The following PLEKHG4B variants were observed in gnomAD, a reference collection of about 807,000 sequenced individuals.
PLEKHG4B encodes pleckstrin homology and RhoGEF domain containing G4B.
A neutral mutation model predicts 121.3 loss-of-function variants in PLEKHG4B; 111 were observed. That is an observed-to-expected ratio of 0.92 (90% CI 0.78 to 1.07). PLEKHG4B has a LOEUF of 1.07. Among genes scored for constraint, PLEKHG4B ranks in the 50% least tolerant of loss-of-function variants. The pLI, the probability that PLEKHG4B is intolerant of heterozygous loss-of-function variation, is 0.00. For missense variants in PLEKHG4B, 1,831 were observed against 1,757.8 expected (o/e 1.04, Z -0.74); for synonymous variants, 738 against 725.0 (o/e 1.02, Z -0.29).
chr5:174,862 G>A (rs929622284), intron 18 of PLEKHG4B, among the ~76,000 whole-genome samples: 1 of 152,076 alleles, frequency 6.6e-6, no homozygotes, highest in African/African-American at 2.4e-5. Context: ...GAAATGAAGG[G>A]GCTGAGCTCC....
intron 16 of PLEKHG4B, among the ~76,000 whole-genome samples, chr5:172,594 G>T (rs543117535): frequency 7.9e-5 from 12 of 152,354 alleles, no homozygotes; most frequent in African/African-American, 2.9e-4. Flanking sequence ...CGGGGTGGGG[G>T]TGTGGGACGC....
At chr5:98,837 CTTTTTTTT>C (rs925964165) in intron 1 of PLEKHG4B, among the ~76,000 whole-genome samples, 2 of 79,298 alleles carry the variant, frequency 2.5e-5, no homozygotes, top group South Asian at 8.0e-4. Flanking sequence ...TTGAATTTTC[CTTTTTTTT>C]TTTTTTTTTT....
At chr5:108,342 C>T (rs906209993) in intron 1 of PLEKHG4B, among the ~76,000 whole-genome samples, 7 of 152,220 alleles carry the variant, frequency 4.6e-5, no homozygotes, top group Non-Finnish European at 1.0e-4. Context: ...TCCTGGCACC[C>T]TGTTGTACCA....
chr5:105,878 G>C (rs1347198165), intron 1 of PLEKHG4B, among the ~76,000 whole-genome samples: 3 of 152,206 alleles, frequency 2.0e-5, no homozygotes, highest in Admixed American at 2.0e-4. Context: ...TAGAAGCTGG[G>C]GGGGCCCATG....
chr5:163,601 A>G, intron 13 of PLEKHG4B, 53 bp downstream of exon 13: 4 of 1,400,596 alleles, frequency 2.9e-6, no homozygotes, highest in Non-Finnish European at 2.8e-6. Flanking sequence ...GGATCTAGAA[A>G]CCCAAAGCCA....
Position 137,168 on chromosome 5 carries a change from A to G in PLEKHG4B, c.244-2315A>G, listed in dbSNP as rs1458988105. Among the ~76,000 whole-genome samples the G allele has an allele frequency of 6.6e-6, 1 of 152,184 alleles. No individual in the cohort carries two copies. Among genetic ancestry groups the G allele is most frequent in the Non-Finnish European group, 1.5e-5 (1 of 68,030 alleles). On this transcript the variant is annotated intron_variant, in intron 2 of 19. Transcript: ENST00000637938. The surrounding 1 kb of genome is among the most constrained non-coding windows in gnomAD (Gnocchi z 4.2). ...GCCAATGGATAGGAGCCAGTACTGG[A>G]AGGACAAATGTTGGATGATTCCACT...
In PLEKHG4B at chr5:113,104, C is replaced by T; in HGVS notation, c.46-147C>T. 2 of 397,298 alleles carry T rather than the reference C, an allele frequency of 5.0e-6. No individual in the cohort carries two copies. Among genetic ancestry groups the T allele is most frequent in the South Asian group, 1.4e-4 (1 of 7,000 alleles). 24.6% of individuals were successfully genotyped at this position (397,298 alleles called of 1,614,324 possible). Reference sequence around the variant, plus strand: ...GCCCTGCACCATGGATTCGCCTGCACATTTTGTCTTTCTCAGTTAACTCAC... The same window carrying T: ...GCCCTGCACCATGGATTCGCCTGCATATTTTGTCTTTCTCAGTTAACTCAC... On this transcript the variant is annotated intron_variant, in intron 1 of 19. Transcript: ENST00000637938. The surrounding 1 kb of genome is among the most constrained non-coding windows in gnomAD (Gnocchi z 5.2).
At chr5:144,371 G>T (rs1735333922) in intron 5 of PLEKHG4B, among the ~76,000 whole-genome samples, 1 of 152,200 alleles carries the variant, frequency 6.6e-6, no homozygotes, top group South Asian at 2.1e-4. Context: ...AACAGTCTTA[G>T]CTTGGCTCTG....
At chr5:153,994 G>A (rs888845622) in intron 7 of PLEKHG4B, among the ~76,000 whole-genome samples, 8 of 149,342 alleles carry the variant, frequency 5.4e-5, no homozygotes, top group African/African-American at 2.0e-4. Context: ...CCGGCCAGAT[G>A]CCCCTCTCGT....
At chr5:147,876 A>G (rs1735470061) in intron 6 of PLEKHG4B, among the ~76,000 whole-genome samples, 1 of 152,202 alleles carries the variant, frequency 6.6e-6, no homozygotes, top group Non-Finnish European at 1.5e-5. Flanking sequence ...TAGCAGGCTG[A>G]AAGGATTATA....
At chr5:158,326 G>A (rs1421357819) in intron 11 of PLEKHG4B, among the ~76,000 whole-genome samples, 1 of 116,360 alleles carries the variant, frequency 8.6e-6, no homozygotes, top group African/African-American at 3.4e-5. Context: ...TCCTCCCTCT[G>A]CCCATCCTGG....
In PLEKHG4B at chr5:137,825, G is replaced by T. The variant is rs1355899427; in HGVS notation, c.244-1658G>T. ...ACGGACTCTGGGGGCCAGGCTCGGGGAGGCCCTTATGGACCGGCAGGTACC... is the reference window on the plus strand; with the variant it reads ...ACGGACTCTGGGGGCCAGGCTCGGGTAGGCCCTTATGGACCGGCAGGTACC... On this transcript the variant is annotated intron_variant, in intron 2 of 19. Coordinates refer to ENST00000637938, the MANE Select transcript of PLEKHG4B (RefSeq NM_052909.5). The surrounding 1 kb of genome is among the most constrained non-coding windows in gnomAD (Gnocchi z 4.2). Among the ~76,000 whole-genome samples the T allele has an allele frequency of 1.3e-5, 2 of 152,224 alleles. No homozygotes were observed. Among genetic ancestry groups the T allele is most frequent in the East Asian group, 3.8e-4 (2 of 5,202 alleles).
chr5:172,786 C>A, intron 16 of PLEKHG4B, 111 bp from the exon 17 acceptor site: 1 of 1,222,888 alleles, frequency 8.2e-7, no homozygotes, highest in Non-Finnish European at 1.2e-6. Flanking sequence ...GGCAGTTTGG[C>A]TGCTGTTCCG....
chr5:161,638 C>A, intron 11 of PLEKHG4B, 145 bp from the exon 12 acceptor site: 1 of 957,826 alleles, frequency 1.0e-6, no homozygotes, highest in South Asian at 1.6e-5. Flanking sequence ...TTGGTGCCTG[C>A]TCTCGAGAAT....
At position 113,970 on chromosome 5, in the gene PLEKHG4B, GAC is replaced by G. The variant is rs1249895744; in HGVS notation, c.243+528_243+529del. Among the ~76,000 whole-genome samples the G allele has an allele frequency of 9.8e-5, 15 of 152,334 alleles. 1 individual carries two copies. The East Asian group carries it at 1.7e-3, about 18-fold the overall frequency. On this transcript the variant is annotated intron_variant, in intron 2 of 19. Transcript: ENST00000637938. This position sits in a 1 kb window ranked among gnomAD's most constrained non-coding sequence, Gnocchi z 5.2. ...TAAGGCAGATACCACGCTAATGCCA[GAC>G]ACACAAAGTTTTTGGTTTCCCAGCG...
At chr5:176,438 T>TCA (rs1297711300) in intron 18 of PLEKHG4B, among the ~76,000 whole-genome samples, 3 of 152,166 alleles carry the variant, frequency 2.0e-5, no homozygotes, top group African/African-American at 7.2e-5. Context: ...AGAACTAAGT[T>TCA]GATTCAAGCG....
At chr5:94,032 A>G (rs1414775707) in intron 1 of PLEKHG4B, among the ~76,000 whole-genome samples, 4 of 152,146 alleles carry the variant, frequency 2.6e-5, no homozygotes, top group African/African-American at 9.7e-5. Context: ...AGAGCCTCCT[A>G]ACTCTCACCT....
chr5:125,388 C>A (rs1051779876), intron 2 of PLEKHG4B, among the ~76,000 whole-genome samples: 7 of 152,096 alleles, frequency 4.6e-5, no homozygotes, highest in African/African-American at 1.7e-4. Flanking sequence ...ATGGGGATTA[C>A]ACTTATTATC....
intron 2 of PLEKHG4B, among the ~76,000 whole-genome samples, chr5:136,416 G>A (rs1487705645): frequency 3.3e-5 from 5 of 152,244 alleles, no homozygotes; most frequent in African/African-American, 9.6e-5. Context: ...TGCACATTGT[G>A]TATCTCATAA....
Sources: gnomAD v4.1 joint callset for allele counts (sites outside exome capture counted in the v4.1 genomes callset) on GRCh38, gnomAD v4.1.1 for gene constraint, Gnocchi (gnomAD v3.1) non-coding constraint, MANE v1.5 for transcripts, NCBI Gene and HGNC (gene_info 2026-07-23, HGNC 2026-07-21) for gene names.